Variants in CD44 observed in about 807,000 individuals in gnomAD.
The protein encoded by CD44 is CD44 molecule (IN blood group).
CD44 carries 49 observed loss-of-function variants against 88.8 expected under a neutral mutation model. The ratio of observed to expected loss-of-function variants is 0.55; its 90% confidence interval spans 0.44 to 0.70. The LOEUF (loss-of-function observed/expected upper bound fraction) is 0.70, where lower values mean the gene tolerates loss of function less well. CD44 is among the 30% of genes least tolerant of loss of function. The pLI is 0.00. For synonymous variants in CD44, 325 were observed against 312.3 expected, an observed-to-expected ratio of 1.04 and a Z score of -0.43; for missense variants, 883 against 913.8, an observed-to-expected ratio of 0.97 and a Z score of 0.43.
rs187641752 is a variant in CD44 at position 35,197,976 on chromosome 11, A to G, written c.797-145A>G. The G allele has an allele frequency of 7.3e-5, 50 of 687,570 alleles. No homozygotes were observed. In the East Asian group the frequency reaches 1.3e-3, roughly 17 times the overall value. 42.6% of individuals were successfully genotyped at this position (687,570 alleles called of 1,614,324 possible). A position where few individuals can be genotyped will look rare whatever the true frequency, so the allele number is the denominator to read the frequency against. ...GTATTAGCTTCGGAGATCAGAACAT[A>G]AGAATTTGGGGTATGCAAGTCAACT... On this transcript the variant is annotated intron_variant, in intron 6 of 17. Coordinates refer to ENST00000428726, the MANE Select transcript of CD44 (RefSeq NM_000610.4).
chr11:35,199,620 G>T (rs926386212), intron 7 of CD44, among the ~76,000 whole-genome samples: 4 of 151,516 alleles, frequency 2.6e-5, no homozygotes, highest in Admixed American at 2.6e-4. Flanking sequence ...ATACTCAAAA[G>T]GAACTAGAAT....
intron 3 of CD44, among the ~76,000 whole-genome samples, chr11:35,185,634 C>T (rs1565089298): frequency 6.6e-6 from 1 of 152,210 alleles, no homozygotes; most frequent in Non-Finnish European, 1.5e-5. Flanking sequence ...CCTTCTTCCT[C>T]TTTGCCAGGA....
intron 8 of CD44, 125 bp downstream of exon 8, chr11:35,201,320 C>A: frequency 1.4e-6 from 1 of 717,770 alleles, no homozygotes; most frequent in South Asian, 1.6e-5. Context: ...TCTTAGTGGA[C>A]TTTTATGAGG....
intron 2 of CD44, among the ~76,000 whole-genome samples, chr11:35,177,545 T>C (rs1295233204): frequency 6.6e-6 from 1 of 152,240 alleles, no homozygotes; most frequent in African/African-American, 2.4e-5. Flanking sequence ...AGCTGTGCTT[T>C]TGCAGTGTCT....
chr11:35,143,568 G>A (rs1476996986), intron 1 of CD44, among the ~76,000 whole-genome samples: 1 of 152,088 alleles, frequency 6.6e-6, no homozygotes, highest in Non-Finnish European at 1.5e-5. Flanking sequence ...AGACTCCAAT[G>A]CTTATGCTCC....
At chr11:35,166,545 A>G (rs1943291937) in intron 1 of CD44, among the ~76,000 whole-genome samples, 1 of 152,208 alleles carries the variant, frequency 6.6e-6, no homozygotes, top group Admixed American at 6.5e-5. Context: ...CTGAAGGGCC[A>G]GGGTAACAGC....
intron 17 of CD44, among the ~76,000 whole-genome samples, chr11:35,222,199 G>T (rs1331139115): frequency 1.3e-5 from 2 of 152,168 alleles, no homozygotes; most frequent in African/African-American, 2.4e-5. Flanking sequence ...TAAAGATTCA[G>T]TGATTCATCA....
intron 9 of CD44, among the ~76,000 whole-genome samples, chr11:35,202,267 AGTTG>A (rs1947387767): frequency 1.3e-5 from 2 of 152,190 alleles, no homozygotes; most frequent in Admixed American, 1.3e-4. Flanking sequence ...TTTAGAGCAA[AGTTG>A]GTAGCTCTTA....
intron 16 of CD44, 110 bp downstream of exon 16, chr11:35,219,497 A>G (rs1949116778): frequency 1.3e-6 from 1 of 744,168 alleles, no homozygotes; most frequent in East Asian, 2.7e-5. Flanking sequence ...AATGCCCAAC[A>G]TATGAATCCA....
intron 3 of CD44, among the ~76,000 whole-genome samples, chr11:35,186,435 T>C (rs1376862492): frequency 6.6e-6 from 1 of 152,206 alleles, no homozygotes; most frequent in Non-Finnish European, 1.5e-5. Context: ...TTTTAAATTT[T>C]TTTACAATGT....
chr11:35,201,937 C>T (rs778153601), intron 9 of CD44, 150 bp downstream of exon 9: 50 of 883,092 alleles, frequency 5.7e-5, no homozygotes, highest in Non-Finnish European at 7.7e-5. Flanking sequence ...CTGCTAAACC[C>T]GCACACAAAT....
At chr11:35,188,289 C>A (rs1427069554) in intron 4 of CD44, among the ~76,000 whole-genome samples, 2 of 152,216 alleles carry the variant, frequency 1.3e-5, no homozygotes, top group Non-Finnish European at 2.9e-5. Context: ...GGAGGCTTCA[C>A]ACCATGATGG....
intron 4 of CD44, among the ~76,000 whole-genome samples, chr11:35,187,888 G>T (rs1945848710): frequency 1.3e-5 from 2 of 152,142 alleles, no homozygotes; most frequent in African/African-American, 4.8e-5. Flanking sequence ...TTTAAAAATA[G>T]ACATGGGGGT....
At position 35,201,762 on chromosome 11, in the gene CD44, A is replaced by G; in HGVS notation, c.1128A>G (p.Glu376=). ...PLIHHEHHEE[E]ETPHSTSTIQ... ...TTCACCATGAGCATCATGAGGAAGA[A>G]GAGACCCCACATTCTACAAGCACAA... Residue 376 remains glutamate (E), a synonymous_variant, in exon 9 of 18, where the codon GAA becomes GAG. Transcript: ENST00000428726. 6.2e-7 allele frequency: 1 copy of G among 1,613,852 alleles called. No individual in the cohort carries two copies. The highest frequency in any genetic ancestry group is 8.5e-7 in the Non-Finnish European group (1 of 1,179,768).
chr11:35,198,040 A>G (rs1444146012), intron 6 of CD44, 81 bp from the exon 7 acceptor site: 2 of 1,476,946 alleles, frequency 1.4e-6, no homozygotes, highest in Non-Finnish European at 1.8e-6. Context: ...AATCCATTAT[A>G]CCTTCTGTGC....
intron 17 of CD44, among the ~76,000 whole-genome samples, chr11:35,223,642 C>T (rs867738946): frequency 6.6e-6 from 1 of 152,102 alleles, no homozygotes; most frequent in African/African-American, 2.4e-5. Context: ...TCCGGCACAG[C>T]GAGTATCTCA....
intron 1 of CD44, among the ~76,000 whole-genome samples, chr11:35,169,909 C>T (rs1000083433): frequency 1.3e-5 from 2 of 152,164 alleles, no homozygotes; most frequent in African/African-American, 4.8e-5. Flanking sequence ...CTGACTTTCC[C>T]ACTTGGATGA....
Position 35,229,421 on chromosome 11 carries a change from C to T in CD44, c.*88C>T. 2.6e-6 allele frequency: 2 copies of T among 763,638 alleles called. No individual in the cohort carries two copies. Among genetic ancestry groups the T allele is most frequent in the Admixed American group, 2.6e-5 (1 of 37,932 alleles). The allele number at this position is 763,638 out of a possible 1,614,324, so 47.3% of individuals were successfully genotyped here. A position where few individuals can be genotyped will look rare whatever the true frequency, so the allele number is the denominator to read the frequency against. ...GACACTTAACAGATGCAATGTGCTACTGATTGTTTCATTGCGAATCTTTTT... is the reference window on the plus strand; with the variant it reads ...GACACTTAACAGATGCAATGTGCTATTGATTGTTTCATTGCGAATCTTTTT... On this transcript the variant is annotated 3_prime_UTR_variant, in exon 18 of 18. Transcript: ENST00000428726.
At chr11:35,145,205 C>T (rs867443763) in intron 1 of CD44, among the ~76,000 whole-genome samples, 6 of 152,324 alleles carry the variant, frequency 3.9e-5, no homozygotes, top group African/African-American at 1.2e-4. Flanking sequence ...GGGGGAGTCC[C>T]CTGATAACAG....
Sources: allele counts gnomAD v4.1 joint callset (sites outside exome capture counted in the v4.1 genomes callset), GRCh38; gene constraint gnomAD v4.1.1; transcripts MANE v1.5; gene names NCBI Gene and HGNC (gene_info 2026-07-23, HGNC 2026-07-21).